The following EARS2 variants were observed in gnomAD, a reference collection of about 807,000 sequenced individuals.
The protein encoded by EARS2 is glutamyl-tRNA synthetase 2, mitochondrial.
In EARS2, 50 loss-of-function variants were observed where a neutral mutation model predicts 54.1. The observed-to-expected ratio is 0.92, with a 90% CI of 0.74 to 1.17. The LOEUF (loss-of-function observed/expected upper bound fraction) is 1.17, where lower values mean the gene tolerates loss of function less well. EARS2 is among the 50% of genes most tolerant of loss of function. The probability of loss-of-function intolerance (pLI) is 0.00; values close to 1 mark genes in which losing one functional copy is unlikely to be tolerated. For synonymous variants in EARS2, 298 were observed against 281.0 expected (o/e 1.06, Z -0.61); for missense variants, 673 against 675.0 (o/e 1.00, Z 0.03).
chr16:23,526,121 T>C (rs1219817563), intron 7 of EARS2, among the ~76,000 whole-genome samples: 2 of 149,492 alleles, frequency 1.3e-5, no homozygotes, highest in Non-Finnish European at 3.0e-5. Flanking sequence ...TTTTTTTTTT[T>C]TTTTTTTTGG....
At chr16:23,543,384 C>T (rs547242035) in intron 3 of EARS2, among the ~76,000 whole-genome samples, 2 of 151,552 alleles carry the variant, frequency 1.3e-5, no homozygotes, top group African/African-American at 4.8e-5. Flanking sequence ...TGCACTCCAG[C>T]CTGGGTGACA....
Position 23,557,206 on chromosome 16 carries a change from T to G in EARS2, c.138A>C (p.Thr46=), listed in dbSNP as rs1348986867. The change falls in exon 1 of 9, where the codon ACA becomes ACC. Residue 46 remains threonine (T), a splice_region_variant and synonymous_variant. Coordinates refer to ENST00000449606, the MANE Select transcript of EARS2 (RefSeq NM_001083614.2). ...AVRVRFAPSP[T]GFLHLGGLRT... is the part of the protein sequence containing the mutation. ...TAGCGTCACGTCCGCCAGGGTTACC[T>G]GTGGGGCTGGGAGCGAACCGCACTC... The G allele has an allele frequency of 1.3e-6, 2 of 1,511,290 alleles. No homozygotes were observed. Among genetic ancestry groups the G allele is most frequent in the African/African-American group, 2.8e-5 (2 of 71,840 alleles). The allele number at this position is 1,511,290 out of a possible 1,614,324, so 93.6% of individuals were successfully genotyped here. A position where few individuals can be genotyped will look rare whatever the true frequency, so the allele number is the denominator to read the frequency against.
At chr16:23,532,878 T>TG in intron 4 of EARS2, 113 bp from the exon 5 acceptor site, 4 of 687,888 alleles carry the variant, frequency 5.8e-6, no homozygotes, top group Non-Finnish European at 9.9e-6. Flanking sequence ...TGGAGTGCAA[T>TG]GGTACAATCC....
chr16:23,557,107 C>A, intron 1 of EARS2, 98 bp downstream of exon 1: 2 of 1,458,132 alleles, frequency 1.4e-6, no homozygotes, highest in East Asian at 4.8e-5. Context: ...TCCGCCCGCC[C>A]ACTCTGACAC....
At chr16:23,557,038 C>A in intron 1 of EARS2, 167 bp downstream of exon 1, 1 of 1,031,052 alleles carries the variant, frequency 9.7e-7, no homozygotes, top group Non-Finnish European at 1.4e-6. Flanking sequence ...TGAATTATTT[C>A]CGCTCCTGCA....
At chr16:23,547,106 A>C (rs990325591) in intron 2 of EARS2, among the ~76,000 whole-genome samples, 1 of 152,272 alleles carries the variant, frequency 6.6e-6, no homozygotes, top group African/African-American at 2.4e-5. Flanking sequence ...GCCAAAAACC[A>C]GAGTAACTAA....
At chr16:23,550,380 A>G (rs1276299593) in intron 2 of EARS2, among the ~76,000 whole-genome samples, 2 of 151,708 alleles carry the variant, frequency 1.3e-5, no homozygotes, top group Admixed American at 6.6e-5. Flanking sequence ...AAAAAAAAAA[A>G]AAAGAAATAA....
In EARS2 at chr16:23,545,078, G is replaced by A. The variant is rs375482076; in HGVS notation, c.296-375C>T. The A allele has an allele frequency of 1.2e-4, 20 of 171,038 alleles. 1 individual carries two copies. Among genetic ancestry groups the A allele is most frequent in the African/African-American group, 4.7e-4 (20 of 42,126 alleles). 10.6% of individuals were successfully genotyped at this position (171,038 alleles called of 1,614,324 possible). On this transcript the variant is annotated intron_variant, in intron 2 of 8. Coordinates refer to ENST00000449606, the MANE Select transcript of EARS2 (RefSeq NM_001083614.2). ...GCTGGTCTTGAACTCCCGACCTCAG[G>A]TGATCCACCTGCCTCGGCCTCTCAA...
chr16:23,556,941 T>C, intron 1 of EARS2: 1 of 677,762 alleles, frequency 1.5e-6, no homozygotes, highest in Non-Finnish European at 2.7e-6. Flanking sequence ...TTACACAGGT[T>C]GTCATCAATG....
At position 23,557,262 on chromosome 16, in the gene EARS2, T is replaced by C; in HGVS notation, c.82A>G (p.Asn28Asp). The C allele has an allele frequency of 6.6e-7, 1 of 1,524,248 alleles. No homozygotes were observed. The highest frequency in any genetic ancestry group is 8.7e-7 in the Non-Finnish European group (1 of 1,146,454). The allele number at this position is 1,524,248 out of a possible 1,614,324, so 94.4% of individuals were successfully genotyped here. ...GCAACCCCGGCATCAGTGCCCAGGT[T>C]GGCCTCGCGCCGTCCTACGGGGCGG... ...SGRPVGRREANLGTDAGVAVR... is the reference protein window; with the variant it reads ...SGRPVGRREADLGTDAGVAVR... The change falls in exon 1 of 9, where the codon AAC becomes GAC. Residue 28 changes from asparagine (N) to aspartate (D), a missense_variant. By Grantham distance (23) the Asn-to-Asp change is conservative. Transcript: ENST00000449606.
intron 2 of EARS2, among the ~76,000 whole-genome samples, chr16:23,546,991 G>T (rs2142188249): frequency 6.6e-6 from 1 of 152,248 alleles, no homozygotes; most frequent in East Asian, 1.9e-4. Flanking sequence ...TCTTTAATGT[G>T]GTATCTTGGA....
chr16:23,540,775 G>A (rs977565693), intron 3 of EARS2, among the ~76,000 whole-genome samples: 1 of 151,912 alleles, frequency 6.6e-6, no homozygotes, highest in African/African-American at 2.4e-5. Context: ...CTGAGCTCAA[G>A]AGTTCAAGAC....
intron 3 of EARS2, among the ~76,000 whole-genome samples, chr16:23,543,136 AAGTC>A (rs1377409380): frequency 7.0e-6 from 1 of 142,462 alleles, no homozygotes; most frequent in African/African-American, 2.6e-5. Flanking sequence ...AAAAAAAAAA[AAGTC>A]AGGTGCAGTG....
At chr16:23,548,458 C>T (rs965799471) in intron 2 of EARS2, among the ~76,000 whole-genome samples, 6 of 152,058 alleles carry the variant, frequency 3.9e-5, no homozygotes, top group African/African-American at 9.7e-5. Context: ...GGGTGGGACC[C>T]GCCACCATCA....
chr16:23,537,264 A>C (rs1027735475), intron 3 of EARS2: 3 of 158,560 alleles, frequency 1.9e-5, no homozygotes, highest in African/African-American at 7.2e-5. Flanking sequence ...TTTCTTTTTT[A>C]AATTTCATAT....
chr16:23,554,079 G>A (rs776030173), intron 1 of EARS2, among the ~76,000 whole-genome samples: 2 of 151,982 alleles, frequency 1.3e-5, no homozygotes, highest in African/African-American at 2.4e-5. Context: ...GTACAGTCAC[G>A]GCTCACTGCA....
At position 23,535,141 on chromosome 16, in the gene EARS2, G is replaced by A. The variant is rs200021197; in HGVS notation, c.705C>T (p.Asp235=). 2.9e-4 allele frequency: 460 copies of A among 1,613,062 alleles called. 5 individuals are homozygous for A. The South Asian group carries it at 4.4e-3, about 15-fold the overall frequency. The change falls in exon 4 of 9, where the codon GAC becomes GAT. Residue 235 remains aspartate (D), a synonymous_variant. Transcript: ENST00000449606. Reference sequence around the variant, plus strand: ...CGTGGCTGATGCCCATGTGGTGGTCGTCCACCACGCAGGCCAGGTGGTATG... The same window carrying A: ...CGTGGCTGATGCCCATGTGGTGGTCATCCACCACGCAGGCCAGGTGGTATG... ...FPTYHLACVV[D]DHHMGISHVL...
chr16:23,553,597 GA>G (rs528088933), intron 1 of EARS2, among the ~76,000 whole-genome samples: 3 of 148,914 alleles, frequency 2.0e-5, no homozygotes, highest in African/African-American at 4.9e-5. Context: ...TCTCTACAAA[GA>G]AAAAAAAAAT....
intron 7 of EARS2, among the ~76,000 whole-genome samples, chr16:23,526,035 C>A (rs1965222106): frequency 6.7e-6 from 1 of 148,892 alleles, no homozygotes; most frequent in South Asian, 2.1e-4. Context: ...CTGTCCTGCA[C>A]AAGGCTATCG....
Sources: gnomAD v4.1 joint callset for allele counts (sites outside exome capture counted in the v4.1 genomes callset) on GRCh38, gnomAD v4.1.1 for gene constraint, MANE v1.5 for transcripts, NCBI Gene and HGNC (gene_info 2026-07-23, HGNC 2026-07-21) for gene names.